The following LOXL1 variants were observed in gnomAD, a reference collection of about 807,000 sequenced individuals.
LOXL1 encodes the protein lysyl oxidase homolog 1.
Under a neutral mutation model 62.2 loss-of-function variants are expected in LOXL1, and 31 were observed. The ratio of observed to expected loss-of-function variants is 0.50; its 90% confidence interval spans 0.37 to 0.67. The LOEUF (loss-of-function observed/expected upper bound fraction) is 0.67, where lower values mean the gene tolerates loss of function less well. Ranked by LOEUF, LOXL1 falls within the 30% of genes least tolerant of loss-of-function variation. The probability of loss-of-function intolerance (pLI) is 0.00; values close to 1 mark genes in which losing one functional copy is unlikely to be tolerated. For synonymous variants in LOXL1, 403 were observed against 384.4 expected (o/e 1.05, Z -0.56); for missense variants, 775 against 843.4 (o/e 0.92, Z 1.00).
intron 1 of LOXL1, among the ~76,000 whole-genome samples, chr15:73,940,228 C>T (rs1304583416): frequency 1.3e-5 from 2 of 152,074 alleles, no homozygotes; most frequent in African/African-American, 4.8e-5. Flanking sequence ...ACAAGAGGCC[C>T]CTGCCTGAGC....
chr15:73,942,020 C>A, intron 1 of LOXL1: 1 of 194,754 alleles, frequency 5.1e-6, no homozygotes, highest in Non-Finnish European at 1.2e-5. Flanking sequence ...GGCGCTTGAC[C>A]CCAGGCCTTG....
intron 4 of LOXL1, 40 bp downstream of exon 4, chr15:73,947,263 A>C: frequency 1.3e-6 from 2 of 1,565,604 alleles, no homozygotes; most frequent in Non-Finnish European, 1.7e-6. Context: ...TGGGAGGATA[A>C]GGAGTTGGGG....
intron 1 of LOXL1, among the ~76,000 whole-genome samples, chr15:73,935,125 C>T (rs1595845032): frequency 1.3e-5 from 2 of 152,284 alleles, no homozygotes; most frequent in African/African-American, 4.8e-5. Context: ...TCTGTGCATC[C>T]CTTTTACTCA....
intron 4 of LOXL1, 81 bp downstream of exon 4, chr15:73,947,304 C>G: frequency 6.8e-7 from 1 of 1,470,834 alleles, no homozygotes; most frequent in South Asian, 1.3e-5. Flanking sequence ...TGAGGCCCGG[C>G]AAGTGCCAAG....
intron 1 of LOXL1, among the ~76,000 whole-genome samples, chr15:73,928,539 C>CA (rs1474447615): frequency 7.8e-6 from 1 of 128,048 alleles, no homozygotes; most frequent in African/African-American, 3.0e-5. Context: ...CAGGGGCTAC[C>CA]AAAAAACACA....
In LOXL1 at chr15:73,927,610, A is replaced by C; in HGVS notation, c.827A>C (p.His276Pro). ...GACGGCCTGGACCGCCGCTACTCGC[A>C]CAGTCTGTACAGCGAGGGCACCCCC... Reference protein sequence around the residue: ...PPDGLDRRYSHSLYSEGTPGF... With the variant: ...PPDGLDRRYSPSLYSEGTPGF... The change falls in exon 1 of 7, where the codon CAC becomes CCC. Residue 276 changes from histidine to proline, a missense_variant. Physicochemically the swap from His to Pro is moderately conservative, Grantham distance 77. Coordinates refer to ENST00000261921, the MANE Select transcript of LOXL1 (RefSeq NM_005576.4). 3 of 1,496,492 alleles carry C rather than the reference A, an allele frequency of 2.0e-6. No individual in the cohort carries two copies. The highest frequency in any genetic ancestry group is 2.7e-6 in the Non-Finnish European group (3 of 1,129,872). The allele number at this position is 1,496,492 out of a possible 1,614,324, so 92.7% of individuals were successfully genotyped here.
intron 2 of LOXL1, among the ~76,000 whole-genome samples, chr15:73,944,837 C>A (rs1485668361): frequency 6.6e-6 from 1 of 152,184 alleles, no homozygotes; most frequent in East Asian, 1.9e-4. Flanking sequence ...TTCCAAGCCT[C>A]CCCCAGACAA....
At chr15:73,946,334 G>A in intron 2 of LOXL1, 83 bp from the exon 3 acceptor site, 1 of 967,574 alleles carries the variant, frequency 1.0e-6, no homozygotes, top group Non-Finnish European at 1.6e-6. Flanking sequence ...GCCAAGGGCT[G>A]GGGGTGGGGC....
Position 73,926,961 on chromosome 15 carries a change from G to A in LOXL1, c.178G>A (p.Glu60Lys). 6.5e-7 allele frequency: 1 copy of A among 1,545,730 alleles called. No homozygotes were observed. The highest frequency in any genetic ancestry group is 8.7e-7 in the Non-Finnish European group (1 of 1,146,314). ...GTACAGCTTGCTCAACTCGGGCTCA[G>A]AGTACGTGCCGGCCGGACCTCAGCG... ...QVYSLLNSGS[E>K]YVPAGPQRSE... The change falls in exon 1 of 7, where the codon GAG (glutamate) becomes AAG (lysine). Residue 60 changes from glutamate to lysine, a missense_variant. By Grantham distance (56) the Glu-to-Lys change is moderately conservative (BLOSUM62 1). Transcript: ENST00000261921.
intron 1 of LOXL1, among the ~76,000 whole-genome samples, chr15:73,931,291 C>T (rs964461638): frequency 6.8e-6 from 1 of 146,112 alleles, no homozygotes; most frequent in Admixed American, 6.9e-5. Flanking sequence ...CATGGCCAAT[C>T]AGAGGCCAGG....
intron 6 of LOXL1, among the ~76,000 whole-genome samples, chr15:73,950,737 G>A (rs1162900076): frequency 1.3e-5 from 2 of 152,206 alleles, no homozygotes; most frequent in East Asian, 1.9e-4. Flanking sequence ...GTGTGGCCAG[G>A]GTCAGGGCTC....
In LOXL1 at chr15:73,947,086, G is replaced by A. The variant is rs1347983835; in HGVS notation, c.1369G>A (p.Glu457Lys). The change falls in exon 4 of 7, where the codon GAG (glutamate) becomes AAG (lysine). Residue 457 changes from glutamate (E) to lysine (K), a missense_variant. Coordinates refer to ENST00000261921, the MANE Select transcript of LOXL1 (RefSeq NM_005576.4). ...SCHQHYHSMDEFSHYDLLDAA... is the reference protein window; with the variant it reads ...SCHQHYHSMDKFSHYDLLDAA... The stretch of plus-strand genomic sequence containing the variant: ...CCCTAGGCATTACCACAGCATGGAC[G>A]AGTTCAGCCACTACGACCTACTGGA... 2.2e-5 allele frequency: 36 copies of A among 1,609,798 alleles called. No homozygotes were observed. Among genetic ancestry groups the A allele is most frequent in the Middle Eastern group, 1.6e-4 (1 of 6,068 alleles).
chr15:73,942,810 A>G, intron 1 of LOXL1, 44 bp from the exon 2 acceptor site: 1 of 1,226,408 alleles, frequency 8.2e-7, no homozygotes, highest in Middle Eastern at 1.9e-4. Context: ...TCTCAATGTC[A>G]TGCTCTTCCT....
intron 1 of LOXL1, among the ~76,000 whole-genome samples, chr15:73,931,794 C>T (rs1379592180): frequency 6.6e-6 from 1 of 152,216 alleles, no homozygotes. Context: ...CACTCGCCTT[C>T]CCCTGCAGAG....
At chr15:73,937,599 C>T (rs925377535) in intron 1 of LOXL1, among the ~76,000 whole-genome samples, 1 of 152,240 alleles carries the variant, frequency 6.6e-6, no homozygotes, top group African/African-American at 2.4e-5. Context: ...CACAGGGCCT[C>T]AGGCCCCGAG....
Position 73,946,401 on chromosome 15 carries a change from C to CCCG in LOXL1, c.1212-12_1212-10dup. On this transcript the variant is annotated splice_polypyrimidine_tract_variant and intron_variant, in intron 2 of 6. Coordinates refer to ENST00000261921, the MANE Select transcript of LOXL1 (RefSeq NM_005576.4). The stretch of plus-strand genomic sequence containing the variant: ...TGTGCCCCAACCCCCCCTCATCTCC[C>CCCG]CCGCCGTCCCTGCAGCACAGCCTAT... The CCCG allele has an allele frequency of 6.2e-7, 1 of 1,601,860 alleles. No homozygotes were observed. The highest frequency in any genetic ancestry group is 8.5e-7 in the Non-Finnish European group (1 of 1,171,822).
intron 5 of LOXL1, 40 bp from the exon 6 acceptor site, chr15:73,949,419 T>C (rs2068768895): frequency 4.1e-6 from 5 of 1,229,840 alleles, no homozygotes; most frequent in South Asian, 3.6e-5. Context: ...GCAGCCCCCC[T>C]GACTAGACTC....
intron 1 of LOXL1, among the ~76,000 whole-genome samples, chr15:73,939,341 G>A (rs1376459703): frequency 1.3e-5 from 2 of 152,002 alleles, no homozygotes; most frequent in African/African-American, 2.4e-5. Context: ...AGGGTGAGGC[G>A]GGGGGGCCTG....
At position 73,926,872 on chromosome 15, in the gene LOXL1, C is replaced by T. The variant is rs761879681; in HGVS notation, c.89C>T (p.Pro30Leu). The T allele has an allele frequency of 6.4e-7, 1 of 1,554,258 alleles. No homozygotes were observed. Among genetic ancestry groups the T allele is most frequent in the Admixed American group, 2.0e-5 (1 of 51,040 alleles). ...CTGGTGCACGGGCAGCAGGCGCAGC[C>T]CGGGCAGGGCTCGGACCCCGCCCGC... ...CVLVHGQQAQPGQGSDPARWR... is the reference protein window; with the variant it reads ...CVLVHGQQAQLGQGSDPARWR... Residue 30 changes from proline to leucine, a missense_variant, in exon 1 of 7, where the codon CCC (proline) becomes CTC (leucine). By Grantham distance (98) the Pro-to-Leu change is moderately conservative. Transcript: ENST00000261921.
Sources: gnomAD v4.1 joint callset for allele counts (sites outside exome capture counted in the v4.1 genomes callset) on GRCh38, gnomAD v4.1.1 for gene constraint, MANE v1.5 for transcripts, NCBI Gene and HGNC (gene_info 2026-07-23, HGNC 2026-07-21) for gene names.